NFATC3: variants seen among roughly 807,000 people sequenced by gnomAD.
NFATC3 encodes the protein nuclear factor of activated T-cells, cytoplasmic 3.
Under a neutral mutation model 98.6 loss-of-function variants are expected in NFATC3, and 46 were observed. That is an observed-to-expected ratio of 0.47 (90% confidence interval 0.37 to 0.60). NFATC3 has a LOEUF of 0.60. NFATC3 is among the 20% of genes least tolerant of loss of function. The pLI, the probability that NFATC3 is intolerant of heterozygous loss-of-function variation, is 0.00. For missense variants in NFATC3, 1,256 were observed against 1,295.5 expected (o/e 0.97, Z 0.47); for synonymous variants, 512 against 472.2 (o/e 1.08, Z -1.09).
At chr16:68,125,596 G>A (rs1481727817) in intron 2 of NFATC3, among the ~76,000 whole-genome samples, 1 of 152,098 alleles carries the variant, frequency 6.6e-6, no homozygotes, top group Non-Finnish European at 1.5e-5. Flanking sequence ...GAGGAAGTGC[G>A]GGAAGTGATA....
Position 68,190,773 on chromosome 16 carries a change from A to T in NFATC3, c.2104A>T (p.Met702Leu). Reference protein sequence around the residue: ...SQRFTYTPVLMKQEHREEIDL... With the variant: ...SQRFTYTPVLLKQEHREEIDL... Reference sequence around the variant, plus strand: ...TTTAATCATTTTCTTTTCAGTTTTGATGAAGCAAGAACACAGAGAAGAGAT... The same window carrying T: ...TTTAATCATTTTCTTTTCAGTTTTGTTGAAGCAAGAACACAGAGAAGAGAT... Residue 702 changes from methionine (M) to leucine (L), a missense_variant, in exon 9 of 10, where the codon ATG becomes TTG. This residue lies in a region of NFATC3 where 636 missense variants were observed against 617.3 expected (regional missense o/e 1.03). Coordinates refer to ENST00000346183, the MANE Select transcript of NFATC3 (RefSeq NM_173165.3). 3 of 1,589,818 alleles carry T rather than the reference A, an allele frequency of 1.9e-6. No individual in the cohort carries two copies. Among genetic ancestry groups the T allele is most frequent in the Non-Finnish European group, 2.6e-6 (3 of 1,167,942 alleles).
intron 3 of NFATC3, among the ~76,000 whole-genome samples, chr16:68,144,318 A>G (rs1002337562): frequency 1.3e-5 from 2 of 152,218 alleles, no homozygotes; most frequent in Middle Eastern, 3.2e-3. Context: ...TGGATGCTTC[A>G]TAAACTGCTA....
At position 68,185,598 on chromosome 16, in the gene NFATC3, G is replaced by A. The variant is rs948057327; in HGVS notation, c.2098+2232G>A. Among the ~76,000 whole-genome samples, 8 of 151,892 alleles carry A rather than the reference G, an allele frequency of 5.3e-5. No homozygotes were observed. The East Asian group carries it at 9.7e-4, about 18-fold the overall frequency. On this transcript the variant is annotated intron_variant, in intron 8 of 9. Transcript: ENST00000346183. ...GTAATTGAAAGGCAAACCAGGGGCC[G>A]GGCGCGGTGGCTCACACCTGTGGCC...
At chr16:68,207,303 T>TC (rs2041187001) in intron 9 of NFATC3, among the ~76,000 whole-genome samples, 1 of 144,820 alleles carries the variant, frequency 6.9e-6, no homozygotes, top group African/African-American at 2.6e-5. Context: ...AGAGCAAAAC[T>TC]CCATCTCAAA....
intron 9 of NFATC3, among the ~76,000 whole-genome samples, chr16:68,218,991 C>A (rs983758293): frequency 6.6e-6 from 1 of 152,026 alleles, no homozygotes; most frequent in Non-Finnish European, 1.5e-5. Flanking sequence ...GTAATGCCAG[C>A]GCTTTAGGAG....
At chr16:68,184,030 T>G (rs1368697676) in intron 8 of NFATC3, among the ~76,000 whole-genome samples, 1 of 132,750 alleles carries the variant, frequency 7.5e-6, no homozygotes, top group African/African-American at 2.8e-5. Flanking sequence ...AAAAAAGAAA[T>G]GAGCTTTAAC....
chr16:68,121,703 C>T (rs531513907), intron 1 of NFATC3, among the ~76,000 whole-genome samples: 2 of 150,892 alleles, frequency 1.3e-5, no homozygotes, highest in South Asian at 4.2e-4. Flanking sequence ...TTTTTCAGGG[C>T]ATAATGTTTC....
At chr16:68,205,285 T>C (rs1193752222) in intron 9 of NFATC3, among the ~76,000 whole-genome samples, 1 of 152,162 alleles carries the variant, frequency 6.6e-6, no homozygotes. Flanking sequence ...GTTTGCTCTG[T>C]TGATCAGGCT....
At position 68,095,347 on chromosome 16, in the gene NFATC3, A is replaced by ATTTT. The variant is rs35343240; in HGVS notation, c.103+9583_103+9586dup. Among the ~76,000 whole-genome samples, 204 of 103,800 alleles carry ATTTT rather than the reference A, an allele frequency of 2.0e-3. 7 individuals are homozygous for ATTTT. The highest frequency in any genetic ancestry group is 7.4e-3 in the African/African-American group (179 of 24,202). The allele number at this position is 103,800 out of a possible 152,430, so 68.1% of individuals were successfully genotyped here. On this transcript the variant is annotated intron_variant, in intron 1 of 9. Coordinates refer to ENST00000346183, the MANE Select transcript of NFATC3 (RefSeq NM_173165.3). The stretch of plus-strand genomic sequence containing the variant: ...CAGGTGTGCACCACATGCCCAGCTA[A>ATTTT]TTTTTTTTTTTTTTTTTTTTTTTGA...
chr16:68,121,014 A>G (rs1404637963), intron 1 of NFATC3, among the ~76,000 whole-genome samples: 1 of 152,074 alleles, frequency 6.6e-6, no homozygotes, highest in Non-Finnish European at 1.5e-5. Flanking sequence ...AATAAGGTAT[A>G]TATGAAACAT....
At chr16:68,224,934 C>T (rs1055787432) in intron 9 of NFATC3, 6 of 152,010 alleles carry the variant, frequency 3.9e-5, no homozygotes, top group Non-Finnish European at 1.5e-5. Context: ...TTACTAGTAT[C>T]TATTTTTATA....
intron 9 of NFATC3, among the ~76,000 whole-genome samples, chr16:68,202,857 A>T (rs1260610501): frequency 6.6e-6 from 1 of 151,976 alleles, no homozygotes; most frequent in Admixed American, 6.6e-5. Flanking sequence ...AAATAAAATT[A>T]AATAAAAGCC....
intron 6 of NFATC3, 25 bp from the exon 7 acceptor site, chr16:68,181,450 A>G: frequency 5.1e-6 from 8 of 1,582,592 alleles, no homozygotes; most frequent in Non-Finnish European, 6.1e-6. Flanking sequence ...AATTGCTTTT[A>G]ACTATAAACT....
chr16:68,191,206 G>A lies in NFATC3; in HGVS notation c.2537G>A (p.Cys846Tyr). Residue 846 changes from cysteine to tyrosine, a missense_variant, in exon 9 of 10, where the codon TGT becomes TAT. Around this residue, in one of 3 missense-constraint regions of NFATC3, gnomAD observed 636 missense variants for 617.3 expected, o/e 1.03. Coordinates refer to ENST00000346183, the MANE Select transcript of NFATC3 (RefSeq NM_173165.3). ...ATLSGLVNLG[C>Y]QPLSSIPFHS... ...CTTTCTGGTTTAGTGAATCTTGGCTGTCAACCACTGTCATCCATACCATTT... is the reference window on the plus strand; with the variant it reads ...CTTTCTGGTTTAGTGAATCTTGGCTATCAACCACTGTCATCCATACCATTT... 6.2e-7 allele frequency: 1 copy of A among 1,614,162 alleles called. No individual in the cohort carries two copies. The highest frequency in any genetic ancestry group is 8.5e-7 in the Non-Finnish European group (1 of 1,180,026).
intron 2 of NFATC3, 38 bp downstream of exon 2, chr16:68,123,159 T>G (rs1206378231): frequency 6.4e-7 from 1 of 1,557,048 alleles, no homozygotes; most frequent in African/African-American, 1.4e-5. Context: ...ATTTTTCATG[T>G]TTATGGGTCA....
intron 3 of NFATC3, among the ~76,000 whole-genome samples, chr16:68,157,645 C>T (rs866774043): frequency 6.6e-6 from 1 of 152,100 alleles, no homozygotes; most frequent in Non-Finnish European, 1.5e-5. Flanking sequence ...AAAAACAAAA[C>T]CAAACCCACA....
intron 3 of NFATC3, among the ~76,000 whole-genome samples, chr16:68,137,684 G>T (rs956604381): frequency 1.4e-4 from 21 of 147,422 alleles, no homozygotes; most frequent in African/African-American, 4.3e-4. Context: ...CTCGATCTCC[G>T]CTCACTGCAA....
Position 68,122,910 on chromosome 16 carries a change from A to G in NFATC3, c.1027A>G (p.Thr343Ala), listed in dbSNP as rs1270520710. The change falls in exon 2 of 10, where the codon ACT becomes GCT. Residue 343 changes from threonine to alanine, a missense_variant. By Grantham distance (58) the Thr-to-Ala change is moderately conservative (BLOSUM62 0). Transcript: ENST00000346183. ...ETDIPLKTRK[T>A]SEDQAAILPG... is the part of the protein sequence containing the mutation. Reference sequence around the variant, plus strand: ...TGACATCCCTCTCAAAACAAGGAAAACTTCTGAAGATCAAGCTGCCATACT... The same window carrying G: ...TGACATCCCTCTCAAAACAAGGAAAGCTTCTGAAGATCAAGCTGCCATACT... The G allele has an allele frequency of 1.2e-6, 2 of 1,614,034 alleles. No individual in the cohort carries two copies. Among genetic ancestry groups the G allele is most frequent in the Non-Finnish European group, 1.7e-6 (2 of 1,180,040 alleles).
At chr16:68,160,566 A>G (rs1341463593) in intron 4 of NFATC3, among the ~76,000 whole-genome samples, 1 of 152,178 alleles carries the variant, frequency 6.6e-6, no homozygotes, top group East Asian at 1.9e-4. Context: ...TTTAAATAAA[A>G]TTTTTGCCTG....
Sources: allele counts gnomAD v4.1 joint callset (sites outside exome capture counted in the v4.1 genomes callset), GRCh38; gene constraint gnomAD v4.1.1; regional missense constraint gnomAD v4.1.1; transcripts MANE v1.5; gene names NCBI Gene and HGNC (gene_info 2026-07-23, HGNC 2026-07-21).